The following PALMD variants were observed in gnomAD, a reference collection of about 807,000 sequenced individuals.
PALMD encodes palmdelphin.
A neutral mutation model predicts 56.2 loss-of-function variants in PALMD; 42 were observed. The observed-to-expected ratio is 0.75, with a 90% CI of 0.58 to 0.97. The LOEUF is 0.97. Ranked by LOEUF, PALMD falls within the 50% of genes least tolerant of loss-of-function variation. The pLI is 0.00. For synonymous variants in PALMD, 242 were observed against 222.9 expected (o/e 1.09, Z -0.76); for missense variants, 660 against 643.8 (o/e 1.03, Z -0.27).
At chr1:99,683,068 G>A (rs1217135066) in intron 3 of PALMD, among the ~76,000 whole-genome samples, 7 of 16,892 alleles carry the variant, frequency 4.1e-4, no homozygotes, top group East Asian at 1.6e-3. Flanking sequence ...GAGAGAGAGA[G>A]AGAGAGAGAG....
chr1:99,689,286 C>T lies in PALMD; in HGVS notation c.1026C>T (p.Thr342=), dbSNP rs776862496. 1.2e-6 allele frequency: 2 copies of T among 1,613,464 alleles called. No homozygotes were observed. The highest frequency in any genetic ancestry group is 1.7e-6 in the Non-Finnish European group (2 of 1,179,836). The change falls in exon 7 of 8, where the codon ACC becomes ACT. Residue 342 remains threonine, a synonymous_variant. Coordinates refer to ENST00000263174, the MANE Select transcript of PALMD (RefSeq NM_017734.5). ...AACAAGCAGAAGAGAAGCTTCACAC[C>T]CCGCAAAAAAGGCTAATGACTCCTT... ...VIQQAEEKLH[T]PQKRLMTPWE...
At chr1:99,683,088 GAGAAAGAAAGAAAGAAAGAAAGAAAGAA>G (rs1217087610) in intron 3 of PALMD, among the ~76,000 whole-genome samples, 14 of 27,206 alleles carry the variant, frequency 5.1e-4, no homozygotes, top group East Asian at 2.4e-3. Flanking sequence ...GAGAGAGAGA[GAGAAAGAAAGAAAGAAAGAAAGAAAGAA>G]AGAAAGAAAG....
chr1:99,646,559 G>A (rs1652448722), intron 1 of PALMD, among the ~76,000 whole-genome samples, 197 bp downstream of exon 1: 1 of 152,166 alleles, frequency 6.6e-6, no homozygotes, highest in Non-Finnish European at 1.5e-5. Context: ...CAGGGCAAAC[G>A]TTCTTGATTT....
chr1:99,688,206 C>T (rs1282478980), intron 6 of PALMD, among the ~76,000 whole-genome samples: 1 of 152,014 alleles, frequency 6.6e-6, no homozygotes. Flanking sequence ...TAGCCTTCTC[C>T]CTCCCGTTTC....
chr1:99,692,390 A>G (rs996349792), intron 7 of PALMD, among the ~76,000 whole-genome samples: 1 of 152,176 alleles, frequency 6.6e-6, no homozygotes, highest in East Asian at 1.9e-4. Context: ...TGCATCTAAA[A>G]TGCTATGGGA....
At chr1:99,664,137 A>T (rs900975468) in intron 2 of PALMD, among the ~76,000 whole-genome samples, 11 of 152,190 alleles carry the variant, frequency 7.2e-5, no homozygotes, top group African/African-American at 2.7e-4. Context: ...CACTTTCCCA[A>T]GCTGTTCACT....
At chr1:99,650,699 CAAGG>C (rs1652562002) in intron 1 of PALMD, among the ~76,000 whole-genome samples, 1 of 152,120 alleles carries the variant, frequency 6.6e-6, no homozygotes, top group Non-Finnish European at 1.5e-5. Flanking sequence ...TTCAAAATGT[CAAGG>C]TGGTGACAAC....
intron 3 of PALMD, among the ~76,000 whole-genome samples, chr1:99,681,093 G>T (rs186380557): frequency 1.4e-5 from 1 of 70,806 alleles, no homozygotes; most frequent in Admixed American, 1.5e-4. Flanking sequence ...ATACATATAT[G>T]TGTGTGTATA....
rs147503310 is a variant in PALMD, at chr1:99,668,155, G to A, written c.251+389G>A. ...TCGGCCTCCCGATGTACAGGTGTGA[G>A]CCACCATGGTCAGCCTTCCATATGA... On this transcript the variant is annotated intron_variant, in intron 3 of 7. Coordinates refer to ENST00000263174, the MANE Select transcript of PALMD (RefSeq NM_017734.5). 3.1e-3 allele frequency: 495 copies of A among 157,816 alleles called. 2 individuals carry two copies. Among genetic ancestry groups the A allele is most frequent in the African/African-American group, 5.7e-3 (239 of 41,702 alleles). 9.8% of individuals were successfully genotyped at this position (157,816 alleles called of 1,614,324 possible). A position where few individuals can be genotyped will look rare whatever the true frequency, so the allele number is the denominator to read the frequency against.
Position 99,689,648 on chromosome 1 carries a change from A to G in PALMD, c.1388A>G (p.Tyr463Cys). 1 of 1,613,704 alleles carries G rather than the reference A, an allele frequency of 6.2e-7. No homozygotes were observed. The highest frequency in any genetic ancestry group is 8.5e-7 in the Non-Finnish European group (1 of 1,179,836). Residue 463 changes from tyrosine to cysteine, a missense_variant, in exon 7 of 8, where the codon TAC becomes TGC. Transcript: ENST00000263174. ...EDEGEAEKPS[Y>C]HPIAPHSQVY... The stretch of plus-strand genomic sequence containing the variant: ...GAAGGAGAAGCAGAGAAACCGTCCT[A>G]CCACCCCATAGCTCCCCATAGTCAG...
In PALMD at chr1:99,686,888, T is replaced by C. The variant is rs569049122; in HGVS notation, c.367-42T>C. The stretch of plus-strand genomic sequence containing the variant: ...AGCATATCCACATTTAGATTCTATT[T>C]TTTAAACTGTATTAATCATGGAGAA... On this transcript the variant is annotated intron_variant, in intron 4 of 7. Coordinates refer to ENST00000263174, the MANE Select transcript of PALMD (RefSeq NM_017734.5). 6.9e-5 allele frequency: 100 copies of C among 1,452,752 alleles called. No individual in the cohort carries two copies. In the East Asian group the frequency reaches 1.3e-3, roughly 20 times the overall value. The allele number at this position is 1,452,752 out of a possible 1,614,324, so 90.0% of individuals were successfully genotyped here.
intron 7 of PALMD, among the ~76,000 whole-genome samples, chr1:99,690,364 A>G (rs1161820195): frequency 6.6e-6 from 1 of 152,106 alleles, no homozygotes; most frequent in Non-Finnish European, 1.5e-5. Context: ...ATATGTCTAT[A>G]GTTTCATTAA....
intron 1 of PALMD, among the ~76,000 whole-genome samples, chr1:99,654,451 G>A (rs12094577): frequency 0.01 from 1,596 of 152,156 alleles, 31 homozygotes; most frequent in African/African-American, 0.037. Context: ...CAGTATTTAT[G>A]CCACAAAACT....
At chr1:99,664,200 A>G (rs891883306) in intron 2 of PALMD, among the ~76,000 whole-genome samples, 1 of 152,202 alleles carries the variant, frequency 6.6e-6, no homozygotes, top group Admixed American at 6.5e-5. Context: ...GGGGGAAATG[A>G]CACATTGTCC....
At chr1:99,678,150 C>T (rs1177623445) in intron 3 of PALMD, among the ~76,000 whole-genome samples, 2 of 151,224 alleles carry the variant, frequency 1.3e-5, no homozygotes, top group Non-Finnish European at 2.9e-5. Context: ...ACTCTGTCAC[C>T]CAGGCTGGAG....
chr1:99,656,199 G>A (rs1571060324), intron 1 of PALMD, among the ~76,000 whole-genome samples: 6 of 152,016 alleles, frequency 3.9e-5, no homozygotes, highest in Non-Finnish European at 2.9e-5. Context: ...GTTTCCATTC[G>A]TAAATTGCCC....
chr1:99,685,062 T>C (rs371449973), intron 3 of PALMD: 1 of 152,238 alleles, frequency 6.6e-6, no homozygotes, highest in African/African-American at 2.4e-5. Context: ...AGACATACAG[T>C]ATGTTGCAGA....
At position 99,691,145 on chromosome 1, in the gene PALMD, G is replaced by A. The variant is rs185488041; in HGVS notation, c.1612+1273G>A. On this transcript the variant is annotated intron_variant, in intron 7 of 7. Coordinates refer to ENST00000263174, the MANE Select transcript of PALMD (RefSeq NM_017734.5). Reference sequence around the variant, plus strand: ...GATACTAAGTTTCTTTCCATCTTAAGAGAGAGCTTTGGTCACTGATCAAAC... The same window carrying A: ...GATACTAAGTTTCTTTCCATCTTAAAAGAGAGCTTTGGTCACTGATCAAAC... 3.0e-3 allele frequency among the ~76,000 whole-genome samples: 459 copies of A among 152,290 alleles called. 3 individuals are homozygous for A. Among genetic ancestry groups the A allele is most frequent in the Middle Eastern group, 0.024 (7 of 294 alleles).
In PALMD at chr1:99,662,370, G is replaced by C; in HGVS notation, c.97G>C (p.Glu33Gln). The change falls in exon 2 of 8, where the codon GAA becomes CAA. Residue 33 changes from glutamate (E) to glutamine (Q), a missense_variant. Transcript: ENST00000263174. ...CTCACAGAAGCGTCTGAAAATAGAG[G>C]AAGACAAACTAAAGCACCAGCATTT... ...EISQKRLKIE[E>Q]DKLKHQHLKK... is the part of the protein sequence containing the mutation. 1 of 1,574,060 alleles carries C rather than the reference G, an allele frequency of 6.4e-7. No homozygotes were observed. Among genetic ancestry groups the C allele is most frequent in the Non-Finnish European group, 8.7e-7 (1 of 1,149,980 alleles).
Sources: gnomAD v4.1 joint callset for allele counts (sites outside exome capture counted in the v4.1 genomes callset) on GRCh38, gnomAD v4.1.1 for gene constraint, MANE v1.5 for transcripts, NCBI Gene and HGNC (gene_info 2026-07-23, HGNC 2026-07-21) for gene names.